Variants in CA5A observed in about 807,000 individuals in gnomAD.
The protein encoded by CA5A is carbonic anhydrase 5A, mitochondrial.
In CA5A, 28 loss-of-function variants were observed where a neutral mutation model predicts 37.1. The ratio of observed to expected loss-of-function variants is 0.75; its 90% CI spans 0.56 to 1.03. The LOEUF is 1.03. Ranked by LOEUF, CA5A falls within the 50% of genes least tolerant of loss-of-function variation. The probability of loss-of-function intolerance (pLI) is 0.00; values close to 1 mark genes in which losing one functional copy is unlikely to be tolerated. For missense variants in CA5A, 444 were observed against 399.9 expected, an observed-to-expected ratio of 1.11 and a Z score of -0.94; for synonymous variants, 171 against 158.4, an observed-to-expected ratio of 1.08 and a Z score of -0.60.
intron 6 of CA5A, 132 bp downstream of exon 6, chr16:87,891,667 T>G (rs1342612933): frequency 6.0e-6 from 5 of 835,472 alleles, no homozygotes; most frequent in Non-Finnish European, 8.7e-6. Flanking sequence ...TCTTCTTGTG[T>G]AAGAATGCCC....
chr16:87,892,458 C>T (rs1439201572), intron 5 of CA5A, among the ~76,000 whole-genome samples: 3 of 147,052 alleles, frequency 2.0e-5, no homozygotes, highest in South Asian at 2.2e-4. Flanking sequence ...TGCAGTGAGC[C>T]GAGATCATGC....
chr16:87,933,703 C>T (rs2056436455), intron 1 of CA5A, among the ~76,000 whole-genome samples: 1 of 152,114 alleles, frequency 6.6e-6, no homozygotes, highest in African/African-American at 2.4e-5. Context: ...TATCACTGAG[C>T]GTTTTGTAAC....
chr16:87,908,422 G>A (rs528392506), intron 2 of CA5A, among the ~76,000 whole-genome samples: 122 of 152,318 alleles, frequency 8.0e-4, no homozygotes, highest in South Asian at 1.9e-3. Flanking sequence ...CCGCAGCTTC[G>A]TCTGTGTAAA....
intron 2 of CA5A, chr16:87,925,717 T>C (rs1289597600): frequency 6.6e-6 from 1 of 152,072 alleles, no homozygotes; most frequent in Non-Finnish European, 1.5e-5. Context: ...GGTGAAGGTT[T>C]GAAGAGATGA....
At position 87,902,022 on chromosome 16, in the gene CA5A, G is replaced by A. The variant is rs73239028; in HGVS notation, c.556-48C>T. The A allele has an allele frequency of 5.2e-4, 803 of 1,533,042 alleles. 7 individuals are homozygous for A. The East Asian group carries it at 0.015, about 28-fold the overall frequency. The allele number at this position is 1,533,042 out of a possible 1,614,324, so 95.0% of individuals were successfully genotyped here. On this transcript the variant is annotated intron_variant, in intron 4 of 6. Transcript: ENST00000649794. ...GTTAGCTGCAAAGGCAGTGGATGGG[G>A]GGGGAAGCTCACTCCACTGTAAATA...
chr16:87,885,001 T>G (rs2055637454), downstream of CA5A: 1 of 151,758 alleles, frequency 6.6e-6, no homozygotes, highest in African/African-American at 2.4e-5. Flanking sequence ...CCGTCTCTAC[T>G]AAAAATACAA....
Position 87,936,335 on chromosome 16 carries a change from C to A in CA5A, c.116G>T (p.Cys39Phe). 1 of 1,613,908 alleles carries A rather than the reference C, an allele frequency of 6.2e-7. No homozygotes were observed. The highest frequency in any genetic ancestry group is 8.5e-7 in the Non-Finnish European group (1 of 1,179,832). ...AGTGTTATTGCTGGTTTGCCATGCA[C>A]AGGAACGCTGAGAACACCATCGCCC... ...RPGRWCSQRS[C>F]AWQTSNNTLH... is the part of the protein sequence containing the mutation. Residue 39 changes from cysteine (C) to phenylalanine (F), a missense_variant, in exon 1 of 7, where the codon TGT becomes TTT. Transcript: ENST00000649794.
At chr16:87,894,522 C>G (rs977317453) in intron 5 of CA5A, among the ~76,000 whole-genome samples, 3 of 151,658 alleles carry the variant, frequency 2.0e-5, no homozygotes, top group Non-Finnish European at 4.4e-5. Flanking sequence ...CTGGCAGACA[C>G]ATGCATCAGT....
intron 2 of CA5A, among the ~76,000 whole-genome samples, chr16:87,923,309 C>T (rs1477584209): frequency 6.6e-6 from 1 of 152,136 alleles, no homozygotes; most frequent in African/African-American, 2.4e-5. Flanking sequence ...CTGCCTCAGT[C>T]CCCCGAGGAA....
intron 2 of CA5A, among the ~76,000 whole-genome samples, chr16:87,915,661 C>T (rs6540108): frequency 1.5e-5 from 2 of 129,488 alleles, no homozygotes; most frequent in Non-Finnish European, 3.1e-5. Context: ...TGCACTGCAG[C>T]CTGGGCGACA....
intron 2 of CA5A, among the ~76,000 whole-genome samples, chr16:87,924,773 G>A (rs891743721): frequency 2.0e-5 from 3 of 152,274 alleles, no homozygotes; most frequent in African/African-American, 2.4e-5. Flanking sequence ...GAAGGTGAGC[G>A]TGGGGGCAGC....
intron 2 of CA5A, among the ~76,000 whole-genome samples, chr16:87,906,399 G>A (rs1218754000): frequency 1.8e-4 from 28 of 152,146 alleles, no homozygotes; most frequent in African/African-American, 3.9e-4. Flanking sequence ...AGGCCGAGGC[G>A]GGCGGATCAC....
chr16:87,910,884 G>A (rs1258879874), intron 2 of CA5A, among the ~76,000 whole-genome samples: 5 of 151,924 alleles, frequency 3.3e-5, no homozygotes, highest in African/African-American at 1.2e-4. Context: ...CGAGTAGCTG[G>A]GATTATAGGC....
intron 1 of CA5A, among the ~76,000 whole-genome samples, chr16:87,929,699 G>C (rs192916001): frequency 0.1 from 15,174 of 150,518 alleles, 848 homozygotes; most frequent in South Asian, 0.16. Context: ...CGTGAAACCC[G>C]GTCTCTACTA....
At chr16:87,930,617 G>T (rs1198690549) in intron 1 of CA5A, among the ~76,000 whole-genome samples, 1 of 152,158 alleles carries the variant, frequency 6.6e-6, no homozygotes, top group South Asian at 2.1e-4. Context: ...CAGGCTGGGT[G>T]GGGAGGAGAG....
intron 3 of CA5A, among the ~76,000 whole-genome samples, chr16:87,903,786 T>C (rs2055916224): frequency 2.0e-5 from 3 of 152,212 alleles, no homozygotes; most frequent in South Asian, 4.2e-4. Context: ...AAAAGTTAGG[T>C]GAGTGGGTGA....
chr16:87,902,192 A>G (rs1457061799), intron 4 of CA5A, among the ~76,000 whole-genome samples: 1 of 151,928 alleles, frequency 6.6e-6, no homozygotes, highest in Non-Finnish European at 1.5e-5. Context: ...TGTCTCTACT[A>G]AAAATACAAA....
At chr16:87,886,966 G>A (rs1207647951), downstream of CA5A, 7 of 152,152 alleles carry the variant, frequency 4.6e-5, no homozygotes, top group Non-Finnish European at 8.8e-5. Context: ...GCAGTGGCAT[G>A]ATCTCGGCTC....
chr16:87,929,695 A>G (rs1415550835), intron 1 of CA5A, among the ~76,000 whole-genome samples: 3 of 150,998 alleles, frequency 2.0e-5, no homozygotes, highest in Non-Finnish European at 3.0e-5. Context: ...ACACCGTGAA[A>G]CCCGGTCTCT....
Sources: allele counts gnomAD v4.1 joint callset (sites outside exome capture counted in the v4.1 genomes callset), GRCh38; gene constraint gnomAD v4.1.1; transcripts MANE v1.5; gene names NCBI Gene and HGNC (gene_info 2026-07-23, HGNC 2026-07-21).